GABBR2: variants seen among roughly 807,000 people sequenced by gnomAD.
The protein encoded by GABBR2 is gamma-aminobutyric acid type B receptor subunit 2, also known as G-protein coupled receptor 51.
GABBR2 carries 23 observed loss-of-function variants against 105.6 expected under a neutral mutation model. The ratio of observed to expected loss-of-function variants is 0.22; its 90% CI spans 0.16 to 0.31. The LOEUF (loss-of-function observed/expected upper bound fraction) is 0.31, where lower values mean the gene tolerates loss of function less well. Among genes scored for constraint, GABBR2 ranks in the 10% least tolerant of loss-of-function variants. The probability of loss-of-function intolerance (pLI) is 1.00; values close to 1 mark genes in which losing one functional copy is unlikely to be tolerated. For synonymous variants in GABBR2, 478 were observed against 499.7 expected (o/e 0.96, Z 0.58); for missense variants, 734 against 1,245.5 (o/e 0.59, Z 6.18).
chr9:98,597,714 C>T (rs1476434718), intron 1 of GABBR2, among the ~76,000 whole-genome samples: 1 of 151,960 alleles, frequency 6.6e-6, no homozygotes, highest in Non-Finnish European at 1.5e-5. Context: ...AAATTTCCAG[C>T]AATGCACTCA....
At chr9:98,679,927 C>A (rs1830521297) in intron 1 of GABBR2, among the ~76,000 whole-genome samples, 1 of 152,208 alleles carries the variant, frequency 6.6e-6, no homozygotes, top group South Asian at 2.1e-4. Context: ...TTTCATCAAA[C>A]CTAAGCATAA....
intron 3 of GABBR2, among the ~76,000 whole-genome samples, chr9:98,521,937 AG>A (rs1827876628): frequency 2.0e-5 from 3 of 152,256 alleles, no homozygotes; most frequent in African/African-American, 7.2e-5. Context: ...GAATTGCTGT[AG>A]GAAATAAAGG....
chr9:98,368,410 C>A (rs568184645), intron 12 of GABBR2, among the ~76,000 whole-genome samples: 4 of 152,002 alleles, frequency 2.6e-5, no homozygotes, highest in Non-Finnish European at 5.9e-5. Flanking sequence ...GATGCCTGGA[C>A]CCACTGCAAG....
intron 13 of GABBR2, among the ~76,000 whole-genome samples, chr9:98,343,904 C>CAT (rs1481246876): frequency 6.6e-6 from 1 of 152,102 alleles, no homozygotes; most frequent in Non-Finnish European, 1.5e-5. Context: ...GAGGTGTGTG[C>CAT]ATATACTCAC....
chr9:98,469,613 T>C (rs1221194983), intron 6 of GABBR2, among the ~76,000 whole-genome samples: 5 of 152,198 alleles, frequency 3.3e-5, no homozygotes, highest in Non-Finnish European at 7.3e-5. Flanking sequence ...CCAGGAAATC[T>C]TATCCTGAGA....
intron 1 of GABBR2, among the ~76,000 whole-genome samples, chr9:98,621,663 T>C (rs1829672614): frequency 1.4e-4 from 22 of 152,192 alleles, no homozygotes; most frequent in Admixed American, 1.4e-3. Context: ...AAAATTAAGG[T>C]CCCTTCTCCC....
intron 4 of GABBR2, among the ~76,000 whole-genome samples, chr9:98,490,142 A>T (rs1053963223): frequency 5.9e-5 from 9 of 152,192 alleles, no homozygotes; most frequent in Non-Finnish European, 1.2e-4. Flanking sequence ...ACAGTTCTGG[A>T]AGTGGATAAT....
intron 2 of GABBR2, among the ~76,000 whole-genome samples, chr9:98,559,849 A>T (rs557831728): frequency 1.4e-5 from 2 of 145,420 alleles, no homozygotes; most frequent in East Asian, 5.4e-4. Flanking sequence ...TGAAAAAAAA[A>T]ATAAGGAATG....
At position 98,290,606 on chromosome 9, in the gene GABBR2, C is replaced by T. The variant is rs760225121; in HGVS notation, c.2804G>A (p.Arg935Gln). The part of the protein sequence containing the change: ...PRHRHVPPSF[R>Q]VMVSGL ...CCCTTACAGGCCCGAGACCATGACT[C>T]GGAAGGAGGGTGGCACATGTCTGTG... Residue 935 changes from arginine to glutamine, a missense_variant, in exon 19 of 19, where the codon CGA (arginine) becomes CAA (glutamine). Coordinates refer to ENST00000259455, the MANE Select transcript of GABBR2 (RefSeq NM_005458.8). 7 of 1,414,350 alleles carry T rather than the reference C, an allele frequency of 4.9e-6. No homozygotes were observed. Among genetic ancestry groups the T allele is most frequent in the Non-Finnish European group, 3.7e-6 (4 of 1,084,568 alleles). The allele number at this position is 1,414,350 out of a possible 1,614,324, so 87.6% of individuals were successfully genotyped here.
intron 1 of GABBR2, among the ~76,000 whole-genome samples, chr9:98,579,717 A>G (rs1481960927): frequency 6.6e-6 from 1 of 152,234 alleles, no homozygotes; most frequent in Non-Finnish European, 1.5e-5. Flanking sequence ...TGGATTCAAA[A>G]GAGAATTTAA....
intron 4 of GABBR2, among the ~76,000 whole-genome samples, chr9:98,489,653 T>C (rs79107172): frequency 0.034 from 5,201 of 152,148 alleles, 277 homozygotes; most frequent in African/African-American, 0.12. Context: ...TCGAACGTAA[T>C]ATCAACTACT....
chr9:98,308,313 T>C (rs1830583148), intron 14 of GABBR2, among the ~76,000 whole-genome samples: 1 of 152,150 alleles, frequency 6.6e-6, no homozygotes, highest in Admixed American at 6.5e-5. Flanking sequence ...AAACACAAAG[T>C]AACTTGTTCT....
rs560140923 is a variant in GABBR2 at position 98,421,113 on chromosome 9, C to T, written c.1237-14972G>A. 7.9e-5 allele frequency among the ~76,000 whole-genome samples: 12 copies of T among 152,260 alleles called. No homozygotes were observed. The East Asian group carries it at 1.3e-3, about 17-fold the overall frequency. On this transcript the variant is annotated intron_variant, in intron 7 of 18. Transcript: ENST00000259455. ...GTGTCCCAGGGTACTAGAGTGAACT[C>T]GCAGGGGTATTGTGGCATATTTTAA...
At chr9:98,436,209 A>G (rs1280291738) in intron 7 of GABBR2, among the ~76,000 whole-genome samples, 2 of 145,528 alleles carry the variant, frequency 1.4e-5, no homozygotes, top group Non-Finnish European at 3.0e-5. Context: ...GTGTTTTATT[A>G]GCCCTAGGAC....
intron 1 of GABBR2, among the ~76,000 whole-genome samples, chr9:98,705,739 C>T (rs1317936306): frequency 6.6e-6 from 1 of 152,214 alleles, no homozygotes; most frequent in Non-Finnish European, 1.5e-5. Flanking sequence ...GAAAGCACCT[C>T]TACTTTAAAG....
intron 1 of GABBR2, among the ~76,000 whole-genome samples, chr9:98,620,273 G>A (rs117669800): frequency 0.075 from 6,151 of 82,280 alleles, 191 homozygotes; most frequent in Middle Eastern, 0.24. Flanking sequence ...CTCTCTCCCC[G>A]CTCCCAGCCC....
intron 1 of GABBR2, among the ~76,000 whole-genome samples, chr9:98,641,129 GT>G (rs34931575): frequency 0.87 from 108,704 of 125,260 alleles, 46,609 homozygotes; most frequent in Middle Eastern, 0.93. Context: ...CTGTGGTTTG[GT>G]TTTTTTTTTT....
intron 1 of GABBR2, among the ~76,000 whole-genome samples, chr9:98,591,849 C>T: frequency 1.7e-5 from 1 of 60,040 alleles, no homozygotes; most frequent in South Asian, 3.6e-4. Flanking sequence ...CACTCTGTGA[C>T]CCCCACCTCA....
intron 1 of GABBR2, among the ~76,000 whole-genome samples, chr9:98,600,434 CA>C (rs1231745834): frequency 1.3e-5 from 2 of 152,210 alleles, no homozygotes; most frequent in Non-Finnish European, 2.9e-5. Context: ...CCCACAGGTC[CA>C]AACCTGGACT....
Sources: gnomAD v4.1 joint callset for allele counts (sites outside exome capture counted in the v4.1 genomes callset) on GRCh38, gnomAD v4.1.1 for gene constraint, MANE v1.5 for transcripts, NCBI Gene and HGNC (gene_info 2026-07-23, HGNC 2026-07-21) for gene names.